The following NFIA variants were observed in gnomAD, a reference collection of about 807,000 sequenced individuals.
NFIA encodes nuclear factor I A, also known as nuclear factor 1 A-type.
A neutral mutation model predicts 62.8 loss-of-function variants in NFIA; 8 were observed. The ratio of observed to expected loss-of-function variants is 0.13; its 90% confidence interval spans 0.07 to 0.23. The LOEUF is 0.23. NFIA is among the 10% of genes least tolerant of loss of function. The pLI is 1.00. For synonymous variants in NFIA, 235 were observed against 238.1 expected (o/e 0.99, Z 0.12); for missense variants, 410 against 642.1 (o/e 0.64, Z 3.91).
At chr1:61,113,596 G>GAAAAAAAAA (rs376543670) in intron 2 of NFIA, among the ~76,000 whole-genome samples, 1 of 106,992 alleles carries the variant, frequency 9.3e-6, no homozygotes, top group Non-Finnish European at 1.8e-5. Flanking sequence ...CTCCATCTCA[G>GAAAAAAAAA]AAAAAAAAAA....
chr1:61,272,335 G>A (rs943765689), intron 2 of NFIA, among the ~76,000 whole-genome samples: 15 of 151,860 alleles, frequency 9.9e-5, no homozygotes, highest in Non-Finnish European at 2.2e-4. Flanking sequence ...GGTCATACTG[G>A]AAAAAATAGA....
rs1553171040 is a variant in NFIA at position 61,309,491 on chromosome 1, C to CAACAA, written c.626-23019_626-23018insCAAAA. Reference sequence around the variant, plus strand: ...TCCACAGTGAGAAAAACAACAACAACAAAAAAAAAAACACAAAATTCACAC... The same window carrying CAACAA: ...TCCACAGTGAGAAAAACAACAACAACAACAAAAAAAAAAAAACACAAAATTCACAC... On this transcript the variant is annotated intron_variant, in intron 3 of 10. Coordinates refer to ENST00000403491, the MANE Select transcript of NFIA (RefSeq NM_001134673.4). 4.8e-4 allele frequency among the ~76,000 whole-genome samples: 71 copies of CAACAA among 147,168 alleles called. 2 individuals carry two copies. Among genetic ancestry groups the CAACAA allele is most frequent in the African/African-American group, 1.7e-3 (67 of 40,422 alleles).
At chr1:61,081,048 T>C (rs1646088081), upstream of NFIA, among the ~76,000 whole-genome samples, 1 of 152,108 alleles carries the variant, frequency 6.6e-6, no homozygotes, top group Non-Finnish European at 1.5e-5. Context: ...TTATGTCACC[T>C]CCACCGAAGG....
chr1:61,394,768 T>C (rs745738967), intron 7 of NFIA, among the ~76,000 whole-genome samples: 1 of 152,196 alleles, frequency 6.6e-6, no homozygotes, highest in Non-Finnish European at 1.5e-5. Context: ...CCTCAAATCC[T>C]ATGGGGTGAA....
intron 10 of NFIA, among the ~76,000 whole-genome samples, chr1:61,453,417 A>G (rs1668151277): frequency 1.3e-5 from 2 of 148,258 alleles, no homozygotes; most frequent in Admixed American, 1.3e-4. Flanking sequence ...CAAGGCACAT[A>G]CTGAATAGTA....
chr1:61,187,427 C>T (rs565153599), intron 2 of NFIA, among the ~76,000 whole-genome samples: 1 of 152,200 alleles, frequency 6.6e-6, no homozygotes, highest in Non-Finnish European at 1.5e-5. Context: ...AAAAATTACT[C>T]TTCTCGTTTT....
At chr1:61,082,999 G>GA (rs1030306719) in intron 1 of NFIA, among the ~76,000 whole-genome samples, 181 bp downstream of exon 1, 21 of 134,010 alleles carry the variant, frequency 1.6e-4, no homozygotes, top group Admixed American at 2.2e-4. Flanking sequence ...TGGGGGGGGG[G>GA]ATCCCGCTTA....
At chr1:61,438,485 T>C (rs777981020) in intron 10 of NFIA, among the ~76,000 whole-genome samples, 9 of 152,220 alleles carry the variant, frequency 5.9e-5, no homozygotes, top group Non-Finnish European at 1.0e-4. Flanking sequence ...ATGTTCTCCC[T>C]GAGCTAAATC....
chr1:61,111,821 C>A (rs1456824600), intron 2 of NFIA, among the ~76,000 whole-genome samples: 1 of 152,108 alleles, frequency 6.6e-6, no homozygotes, highest in East Asian at 1.9e-4. Flanking sequence ...AAATGTCAGA[C>A]TGTCACTTAC....
intron 10 of NFIA, among the ~76,000 whole-genome samples, chr1:61,450,404 C>CCACAGAAGTG (rs1668006384): frequency 6.6e-6 from 1 of 152,196 alleles, no homozygotes; most frequent in African/African-American, 2.4e-5. Flanking sequence ...TTTAGTCCAT[C>CCACAGAAGTG]CACAGAAGTG....
intron 9 of NFIA, among the ~76,000 whole-genome samples, chr1:61,413,567 C>T (rs1290444022): frequency 6.7e-6 from 1 of 149,002 alleles, no homozygotes; most frequent in Non-Finnish European, 1.5e-5. Context: ...CTGGGGGGAA[C>T]CACAGCTGTC....
Position 61,375,963 on chromosome 1 carries a change from A to G in NFIA, c.947-7274A>G, listed in dbSNP as rs116552575. ...TCACTCTCCTGGAACTCACTTTTCA[A>G]GACTGTCAGAAACATTCATGTTGCC... On this transcript the variant is annotated intron_variant, in intron 6 of 10. Transcript: ENST00000403491. 3.5e-3 allele frequency among the ~76,000 whole-genome samples: 528 copies of G among 152,232 alleles called. 2 individuals carry two copies. The highest frequency in any genetic ancestry group is 0.012 in the African/African-American group (503 of 41,526).
chr1:61,383,169 T>C, intron 6 of NFIA, 68 bp from the exon 7 acceptor site: 1 of 1,552,102 alleles, frequency 6.4e-7, no homozygotes, highest in South Asian at 1.2e-5. Flanking sequence ...TTAAATGTTA[T>C]CTTTTAGGTT....
chr1:61,340,646 C>T (rs1661848182), intron 4 of NFIA, among the ~76,000 whole-genome samples: 1 of 152,218 alleles, frequency 6.6e-6, no homozygotes, highest in Non-Finnish European at 1.5e-5. Flanking sequence ...GATCGTTCTT[C>T]ACTGTGTGCT....
chr1:61,198,947 A>T (rs1215365939), intron 2 of NFIA, among the ~76,000 whole-genome samples: 2 of 152,122 alleles, frequency 1.3e-5, no homozygotes, highest in African/African-American at 4.8e-5. Context: ...CTGAAGTATT[A>T]TGTTTGCCAT....
intron 2 of NFIA, among the ~76,000 whole-genome samples, chr1:61,130,604 C>T (rs919378114): frequency 1.3e-5 from 2 of 152,176 alleles, no homozygotes; most frequent in Admixed American, 1.3e-4. Context: ...GTGGGTCTTA[C>T]TAGACCACGC....
chr1:61,274,828 C>T (rs1221501459), intron 2 of NFIA, among the ~76,000 whole-genome samples: 1 of 152,184 alleles, frequency 6.6e-6, no homozygotes, highest in African/African-American at 2.4e-5. Context: ...CACTTAACAG[C>T]ATCAGTGACC....
rs755063285 is a variant in NFIA at position 61,450,292 on chromosome 1, T to C, written c.1513-5011T>C. Among the ~76,000 whole-genome samples the C allele has an allele frequency of 1.2e-4, 18 of 152,228 alleles. 1 individual carries two copies. Among genetic ancestry groups the C allele is most frequent in the Admixed American group, 6.5e-4 (10 of 15,282 alleles). ...CGAATGTGAGAAACTCAGAGTCCACTGAGAGACCTCATCCATTTCTATCAT... is the reference window on the plus strand; with the variant it reads ...CGAATGTGAGAAACTCAGAGTCCACCGAGAGACCTCATCCATTTCTATCAT... On this transcript the variant is annotated intron_variant, in intron 10 of 10. Coordinates refer to ENST00000403491, the MANE Select transcript of NFIA (RefSeq NM_001134673.4).
chr1:61,096,436 T>G (rs932506979), intron 2 of NFIA, among the ~76,000 whole-genome samples: 2 of 152,036 alleles, frequency 1.3e-5, no homozygotes, highest in African/African-American at 4.8e-5. Context: ...ACTCCTGGCC[T>G]CAGGTGTTCC....
Sources: allele counts gnomAD v4.1 joint callset (sites outside exome capture counted in the v4.1 genomes callset), GRCh38; gene constraint gnomAD v4.1.1; transcripts MANE v1.5; gene names NCBI Gene and HGNC (gene_info 2026-07-23, HGNC 2026-07-21).